Variants in ZDHHC11 observed in about 807,000 individuals in gnomAD.
The protein encoded by ZDHHC11 is palmitoyltransferase ZDHHC11.
In ZDHHC11, 44 loss-of-function variants were observed where a neutral mutation model predicts 51.3. The observed-to-expected ratio is 0.86, with a 90% CI of 0.67 to 1.10. The LOEUF is 1.10. Ranked by LOEUF, ZDHHC11 falls within the 50% of genes least tolerant of loss-of-function variation. The pLI, the probability that ZDHHC11 is intolerant of heterozygous loss-of-function variation, is 0.00. For missense variants in ZDHHC11, 400 were observed against 537.7 expected (o/e 0.74, Z 2.53); for synonymous variants, 163 against 222.0 (o/e 0.73, Z 2.36).
intron 6 of ZDHHC11, among the ~76,000 whole-genome samples, chr5:836,320 T>C (rs1487420361): frequency 1.3e-5 from 2 of 150,432 alleles, no homozygotes; most frequent in African/African-American, 4.9e-5. Flanking sequence ...GCTGTAGTAA[T>C]TGATTCCTAG....
intron 11 of ZDHHC11, among the ~76,000 whole-genome samples, chr5:810,527 G>C (rs1739951376): frequency 6.6e-6 from 1 of 151,090 alleles, no homozygotes; most frequent in South Asian, 2.1e-4. Flanking sequence ...CTTAATGAAT[G>C]GACTTTCCCC....
chr5:851,031 C>A, upstream of ZDHHC11: 1 of 221,234 alleles, frequency 4.5e-6, no homozygotes, highest in Non-Finnish European at 8.9e-6. Flanking sequence ...AAGAAGAAAA[C>A]CCACGTCAGA....
chr5:854,113 G>C (rs1277745992), upstream of ZDHHC11, among the ~76,000 whole-genome samples: 1 of 146,600 alleles, frequency 6.8e-6, no homozygotes, highest in East Asian at 2.1e-4. Flanking sequence ...ACGGAGGACA[G>C]TGAGGAGCGG....
chr5:821,808 G>A, intron 9 of ZDHHC11, 53 bp downstream of exon 9: 1 of 1,495,368 alleles, frequency 6.7e-7, no homozygotes, highest in Admixed American at 1.8e-5. Context: ...TGAGACGAGT[G>A]TATAACTATG....
At position 850,522 on chromosome 5, in the gene ZDHHC11, GC is replaced by G. The variant is rs1377513004; in HGVS notation, c.80del (p.Arg27ProfsTer5). The G allele has an allele frequency of 3.5e-5, 56 of 1,613,814 alleles. 1 individual carries two copies. The Middle Eastern group carries it at 6.4e-3, about 185-fold the overall frequency. On this transcript the variant is annotated frameshift_variant, in exon 1 of 13. Coordinates refer to ENST00000283441, the MANE Select transcript of ZDHHC11 (RefSeq NM_024786.3). LOFTEE classifies it high-confidence loss of function. ...LNNEKLVLPP[R>X]ISRVNGWSLP... ...ACGACCAGCCGTTCACTCTGGAGAT[GC>G]GGGGCGGCAAGACCAGCTTTTCATT...
upstream of ZDHHC11, among the ~76,000 whole-genome samples, chr5:852,405 A>C (rs568802094): frequency 1.3e-5 from 2 of 152,396 alleles, no homozygotes; most frequent in East Asian, 3.9e-4. Flanking sequence ...TGAAGACTTC[A>C]GGTCGAAACT....
chr5:824,369 G>A (rs1303302436), intron 8 of ZDHHC11, among the ~76,000 whole-genome samples: 4 of 151,424 alleles, frequency 2.6e-5, no homozygotes, highest in African/African-American at 9.7e-5. Context: ...GCTAAGGTGG[G>A]AAGATTGCTT....
rs1329080311 is a variant in ZDHHC11 at position 840,881 on chromosome 5, A to G, written c.629-231T>C. On this transcript the variant is annotated intron_variant, in intron 4 of 12. Coordinates refer to ENST00000283441, the MANE Select transcript of ZDHHC11 (RefSeq NM_024786.3). Reference sequence around the variant, plus strand: ...TATGGATCTGGGAGGTGAGGCTCCAACATTGTCACTAAGTGCCGGGGTCAC... The same window carrying G: ...TATGGATCTGGGAGGTGAGGCTCCAGCATTGTCACTAAGTGCCGGGGTCAC... 4.9e-6 allele frequency: 7 copies of G among 1,434,144 alleles called. No individual in the cohort carries two copies. In the African/African-American group the frequency reaches 1.0e-4, roughly 21 times the overall value. 88.8% of individuals were successfully genotyped at this position (1,434,144 alleles called of 1,614,324 possible).
At chr5:800,015 G>T (rs566372572) in intron 12 of ZDHHC11, among the ~76,000 whole-genome samples, 1 of 151,214 alleles carries the variant, frequency 6.6e-6, no homozygotes, top group Non-Finnish European at 1.5e-5. Context: ...GTCTCTCTGG[G>T]CTTTCAAGGT....
chr5:817,907 G>A (rs376298677), intron 10 of ZDHHC11, among the ~76,000 whole-genome samples: 16 of 151,360 alleles, frequency 1.1e-4, no homozygotes, highest in African/African-American at 3.6e-4. Context: ...GGGCCCTCTC[G>A]AAGGGGAGGC....
At chr5:849,987 G>T (rs942760309) in intron 1 of ZDHHC11, among the ~76,000 whole-genome samples, 3 of 152,226 alleles carry the variant, frequency 2.0e-5, no homozygotes, top group African/African-American at 7.2e-5. Context: ...GCATGGAAAC[G>T]CAGGCTGCCG....
chr5:819,500 G>A (rs775590403), intron 10 of ZDHHC11, 25 bp downstream of exon 10: 2 of 1,603,418 alleles, frequency 1.2e-6, no homozygotes, highest in East Asian at 4.5e-5. Flanking sequence ...TGTCCTCGGG[G>A]ACAGCGCCAG....
intron 3 of ZDHHC11, among the ~76,000 whole-genome samples, chr5:844,201 GC>G (rs754478476): frequency 4.3e-5 from 6 of 139,792 alleles, no homozygotes; most frequent in South Asian, 2.2e-4. Context: ...GTCCTGTGAC[GC>G]CCCCCCAGGT....
chr5:818,825 T>C (rs1377105105), intron 10 of ZDHHC11, among the ~76,000 whole-genome samples: 2 of 151,390 alleles, frequency 1.3e-5, no homozygotes, highest in African/African-American at 4.8e-5. Flanking sequence ...CCCACCACTA[T>C]AATCCATGCT....
At chr5:857,073 A>G (rs1397633108) in intron 1 of ZDHHC11, among the ~76,000 whole-genome samples, 2 of 151,998 alleles carry the variant, frequency 1.3e-5, no homozygotes, top group Non-Finnish European at 2.9e-5. Context: ...ACACCACACA[A>G]TGCACACACA....
upstream of ZDHHC11, among the ~76,000 whole-genome samples, chr5:854,407 G>GGA (rs1322334507): frequency 2.0e-5 from 3 of 149,822 alleles, no homozygotes; most frequent in South Asian, 2.1e-4. Flanking sequence ...AGGACAGTGA[G>GGA]CCGGGGGGCA....
chr5:798,790 A>ATT (rs142996818), intron 12 of ZDHHC11, among the ~76,000 whole-genome samples: 5,415 of 146,504 alleles, frequency 0.037, 35 homozygotes, highest in African/African-American at 0.12. Context: ...AGTGGTGAAT[A>ATT]TTTTTTTTTT....
At chr5:856,071 A>G (rs1348251340) in intron 1 of ZDHHC11, among the ~76,000 whole-genome samples, 1 of 152,074 alleles carries the variant, frequency 6.6e-6, no homozygotes, top group Non-Finnish European at 1.5e-5. Context: ...ACTCCAGGAC[A>G]GCTCCTTCCC....
rs1383159074 is a variant in ZDHHC11 at position 804,288 on chromosome 5, C to T, written c.1182-3124G>A. On this transcript the variant is annotated intron_variant, in intron 11 of 12. Transcript: ENST00000283441. ...TGAATCATTCCTTTGTCCAGCATATCCATGCTGTATACACAATCTGCCCAT... is the reference window on the plus strand; with the variant it reads ...TGAATCATTCCTTTGTCCAGCATATTCATGCTGTATACACAATCTGCCCAT... Among the ~76,000 whole-genome samples, 33 of 151,364 alleles carry T rather than the reference C, an allele frequency of 2.2e-4. 2 individuals are homozygous for T. Among genetic ancestry groups the T allele is most frequent in the African/African-American group, 7.8e-4 (32 of 41,264 alleles).
Sources: gnomAD v4.1 joint callset for allele counts (sites outside exome capture counted in the v4.1 genomes callset) on GRCh38, gnomAD v4.1.1 for gene constraint, MANE v1.5 for transcripts, NCBI Gene and HGNC (gene_info 2026-07-23, HGNC 2026-07-21) for gene names.